Variants in TRRAP observed in about 807,000 individuals in gnomAD.
TRRAP encodes transformation/transcription domain-associated protein.
In TRRAP, 41 loss-of-function variants were observed where a neutral mutation model predicts 438.8. That is an observed-to-expected ratio of 0.09 (90% CI 0.07 to 0.12). TRRAP has a LOEUF of 0.12. Among genes scored for constraint, TRRAP ranks in the 10% least tolerant of loss-of-function variants. TRRAP has a pLI of 1.00. For missense variants in TRRAP, 3,122 were observed against 5,055.1 expected, an observed-to-expected ratio of 0.62 and a Z score of 11.60; for synonymous variants, 1,994 against 1,962.9, an observed-to-expected ratio of 1.02 and a Z score of -0.42.
intron 18 of TRRAP, 114 bp downstream of exon 18, chr7:98,912,327 C>G (rs147709669): frequency 1.8e-6 from 2 of 1,129,092 alleles, no homozygotes; most frequent in East Asian, 2.6e-5. Flanking sequence ...AAGCAATCCA[C>G]CTGCCTTGAT....
intron 22 of TRRAP, 147 bp from the exon 23 acceptor site, chr7:98,927,020 G>T: frequency 1.2e-6 from 1 of 865,662 alleles, no homozygotes; most frequent in Non-Finnish European, 1.8e-6. Context: ...CTCCATCCAG[G>T]TGTTGCTGAA....
intron 20 of TRRAP, among the ~76,000 whole-genome samples, chr7:98,921,532 C>T (rs1206103123): frequency 2.6e-5 from 4 of 152,166 alleles, no homozygotes; most frequent in Non-Finnish European, 2.9e-5. Flanking sequence ...CCTGCCACCA[C>T]GCCTGGCTAA....
chr7:98,910,431 C>T lies in TRRAP; in HGVS notation c.1714+12C>T, dbSNP rs782267908. 3.7e-6 allele frequency: 6 copies of T among 1,611,088 alleles called. No homozygotes were observed. In the South Asian group the frequency reaches 6.6e-5, roughly 18 times the overall value. The stretch of plus-strand genomic sequence containing the variant: ...CAAAGCACCTGGTGGTAATTCTGCT[C>T]TTCAGTTATGTAGACAAACAATAGT... On this transcript the variant is annotated intron_variant, in intron 15 of 72. Transcript: ENST00000456197.
chr7:99,005,325 C>T lies in TRRAP; in HGVS notation c.10730C>T (p.Thr3577Ile). ...NPCLEKRKET[T>I]KRHLFFTVPR... ...TGTTTGGAGAAGAGAAAGGAGACCA[C>T]CAAGAGGCACTTGTTTTTCACAGGT... is the stretch of plus-strand genomic sequence containing the variant. Residue 3577 changes from threonine to isoleucine, a missense_variant, in exon 69 of 73, where the codon ACC becomes ATC. Physicochemically the swap from Thr to Ile is moderately conservative, Grantham distance 89. Coordinates refer to ENST00000456197, the MANE Select transcript of TRRAP (RefSeq NM_001375524.1). This position sits in a 1 kb window ranked among gnomAD's most constrained non-coding sequence, Gnocchi z 5.1. 1.2e-6 allele frequency: 2 copies of T among 1,614,046 alleles called. No individual in the cohort carries two copies. The highest frequency in any genetic ancestry group is 4.5e-5 in the East Asian group (2 of 44,880).
chr7:98,983,484 A>G lies in TRRAP; in HGVS notation c.9022+25A>G, dbSNP rs960877602. The G allele has an allele frequency of 6.8e-6, 11 of 1,613,016 alleles. No individual in the cohort carries two copies. The African/African-American group carries it at 1.3e-4, about 20-fold the overall frequency. ...GGTAAACCGACCTGGTCCGGCATGC[A>G]TTCATCATGTAATTTTCCAGACGCC... On this transcript the variant is annotated intron_variant, in intron 60 of 72. Transcript: ENST00000456197.
At position 98,948,480 on chromosome 7, in the gene TRRAP, C is replaced by T. The variant is rs1267634900; in HGVS notation, c.4669-86C>T. 4 of 1,611,754 alleles carry T rather than the reference C, an allele frequency of 2.5e-6. No individual in the cohort carries two copies. The highest frequency in any genetic ancestry group is 1.3e-5 in the African/African-American group (1 of 74,874). ...TTTGCTTGTGGGTGTTCATGCACTC[C>T]AGTAACAAGGGACCTTGTTAGGTAG... is the stretch of plus-strand genomic sequence containing the variant. On this transcript the variant is annotated intron_variant, in intron 34 of 72. Coordinates refer to ENST00000456197, the MANE Select transcript of TRRAP (RefSeq NM_001375524.1). The surrounding 1 kb of genome is among the most constrained non-coding windows in gnomAD (Gnocchi z 4.9).
chr7:98,930,860 A>G lies in TRRAP; in HGVS notation c.3591+30A>G, dbSNP rs200706840. 1,107 of 1,612,778 alleles carry G rather than the reference A, an allele frequency of 6.9e-4. 9 individuals are homozygous for G. Among genetic ancestry groups the G allele is most frequent in the South Asian group, 5.2e-3 (470 of 91,050 alleles). On this transcript the variant is annotated intron_variant, in intron 25 of 72. Transcript: ENST00000456197. ...GTGATGGGTGGCCCCAAACCTAACC[A>G]TGCTGTTTTTGAAATGGTGGTTTCC...
intron 3 of TRRAP, among the ~76,000 whole-genome samples, chr7:98,882,417 C>T (rs1230401682): frequency 6.8e-6 from 1 of 147,842 alleles, no homozygotes; most frequent in Non-Finnish European, 1.5e-5. Context: ...GGCTGGGGTG[C>T]AGTGGCGTCA....
intron 65 of TRRAP, among the ~76,000 whole-genome samples, chr7:98,993,283 C>T (rs1793509106): frequency 6.6e-6 from 1 of 152,232 alleles, no homozygotes; most frequent in Non-Finnish European, 1.5e-5. Flanking sequence ...CCTCCTAAAA[C>T]ACATACACGG....
In TRRAP at chr7:98,994,772, T is replaced by G. The variant is rs777232506; in HGVS notation, c.10233T>G (p.Ser3411=). ...NVSTMFSSAA[S]ESLARRAQAT... is the part of the protein sequence containing the mutation. The stretch of plus-strand genomic sequence containing the variant: ...CGACCATGTTCTCCAGCGCAGCCTC[T>G]GAGTCTCTGGCCCGGCGGGCGCAGG... The change falls in exon 67 of 73, where the codon TCT becomes TCG. Residue 3411 remains serine, a synonymous_variant. Coordinates refer to ENST00000456197, the MANE Select transcript of TRRAP (RefSeq NM_001375524.1). This position sits in a 1 kb window ranked among gnomAD's most constrained non-coding sequence, Gnocchi z 4.8. 8 of 1,614,222 alleles carry G rather than the reference T, an allele frequency of 5.0e-6. No individual in the cohort carries two copies. The highest frequency in any genetic ancestry group is 6.8e-6 in the Non-Finnish European group (8 of 1,180,024).
chr7:98,907,113 C>T (rs113820169), intron 13 of TRRAP, among the ~76,000 whole-genome samples: 4,547 of 151,910 alleles, frequency 0.03, 228 homozygotes, highest in African/African-American at 0.1. Flanking sequence ...CACCTGAGGT[C>T]GGGAGTTTGA....
chr7:98,957,896 A>T, intron 43 of TRRAP, 85 bp from the exon 44 acceptor site: 1 of 1,151,276 alleles, frequency 8.7e-7, no homozygotes, highest in Non-Finnish European at 1.3e-6. Context: ...GGTACCGCAT[A>T]CCCATTAGCT....
intron 67 of TRRAP, among the ~76,000 whole-genome samples, chr7:98,995,241 G>A (rs1472060236): frequency 6.6e-6 from 1 of 152,024 alleles, no homozygotes; most frequent in Non-Finnish European, 1.5e-5. Flanking sequence ...GTGGGAGATG[G>A]GGCCGGGTGA....
rs142408822 is a variant in TRRAP, at chr7:98,903,346, C to T, written c.898-33C>T. 3.7e-4 allele frequency: 600 copies of T among 1,613,140 alleles called. 3 individuals are homozygous for T. The African/African-American group carries it at 6.6e-3, about 18-fold the overall frequency. On this transcript the variant is annotated intron_variant, in intron 11 of 72. Transcript: ENST00000456197. ...AATTTTTCTTAACACTCTCCTATCC[C>T]TGTAACTGTGTCATCTCACTCTGTT...
At chr7:98,906,495 C>T (rs1584293342) in intron 13 of TRRAP, among the ~76,000 whole-genome samples, 1 of 152,034 alleles carries the variant, frequency 6.6e-6, no homozygotes, top group Non-Finnish European at 1.5e-5. Context: ...TATAGCAGTG[C>T]AATCTTGGCT....
chr7:98,906,827 TA>T (rs782226623), intron 13 of TRRAP, among the ~76,000 whole-genome samples: 17 of 152,298 alleles, frequency 1.1e-4, no homozygotes, highest in Middle Eastern at 3.4e-3. Context: ...TAATTTTAGG[TA>T]AAACTTTATC....
intron 40 of TRRAP, 142 bp downstream of exon 40, chr7:98,953,575 C>T: frequency 1.6e-6 from 2 of 1,283,354 alleles, no homozygotes; most frequent in Non-Finnish European, 2.1e-6. Flanking sequence ...CTGTATGATT[C>T]CACTTAGAAG....
chr7:98,916,777 T>C (rs1789537024), intron 19 of TRRAP, among the ~76,000 whole-genome samples: 2 of 152,174 alleles, frequency 1.3e-5, no homozygotes, highest in Non-Finnish European at 2.9e-5. Flanking sequence ...ACTCAGCCCC[T>C]TGCCCTCCTC....
chr7:98,885,048 A>T (rs1554403749), intron 3 of TRRAP, among the ~76,000 whole-genome samples: 1 of 152,130 alleles, frequency 6.6e-6, no homozygotes, highest in Non-Finnish European at 1.5e-5. Flanking sequence ...CTCACATATA[A>T]GCATGAAACC....
Sources: gnomAD v4.1 joint callset for allele counts (sites outside exome capture counted in the v4.1 genomes callset) on GRCh38, gnomAD v4.1.1 for gene constraint, Gnocchi (gnomAD v3.1) non-coding constraint, MANE v1.5 for transcripts, NCBI Gene and HGNC (gene_info 2026-07-23, HGNC 2026-07-21) for gene names.